PI15: variants seen among roughly 807,000 people sequenced by gnomAD.
PI15 encodes the protein peptidase inhibitor 15.
A neutral mutation model predicts 31.0 loss-of-function variants in PI15; 18 were observed. The ratio of observed to expected loss-of-function variants is 0.58; its 90% confidence interval spans 0.40 to 0.86. The LOEUF (loss-of-function observed/expected upper bound fraction) is 0.86. Among genes scored for constraint, PI15 ranks in the 40% least tolerant of loss-of-function variants. The probability of loss-of-function intolerance (pLI) is 0.00; values close to 1 mark genes in which losing one functional copy is unlikely to be tolerated. For synonymous variants in PI15, 118 were observed against 119.1 expected (o/e 0.99, Z 0.06); for missense variants, 282 against 328.1 (o/e 0.86, Z 1.09).
chr8:74,849,121 C>T lies in PI15; in HGVS notation c.645C>T (p.Gly215=). 1.2e-6 allele frequency: 2 copies of T among 1,609,968 alleles called. No individual in the cohort carries two copies. Among genetic ancestry groups the T allele is most frequent in the Non-Finnish European group, 1.7e-6 (2 of 1,178,536 alleles). Residue 215 remains glycine (G), a synonymous_variant, in exon 6 of 6, where the codon GGC becomes GGT. Coordinates refer to ENST00000260113, the MANE Select transcript of PI15 (RefSeq NM_015886.5). ...VYLVCNYAPK[G]NWIGEAPYKV... ...TCTTTTTTGTTTTCCCTTCTAGGGG[C>T]AATTGGATTGGAGAAGCACCATATA...
Position 74,825,402 on chromosome 8 carries a change from G to A in PI15, c.153G>A (p.Ala51=), listed in dbSNP as rs1337047728. ...EAALKAQLDS[A]DIPKARRKRY... is the part of the protein sequence containing the mutation. Reference sequence around the variant, plus strand: ...CTCTGAAAGCACAATTAGATTCAGCGGATATCCCCAAAGCCAGGCGGAAGC... The same window carrying A: ...CTCTGAAAGCACAATTAGATTCAGCAGATATCCCCAAAGCCAGGCGGAAGC... The change falls in exon 2 of 6, where the codon GCG becomes GCA. Residue 51 remains alanine, a synonymous_variant. Coordinates refer to ENST00000260113, the MANE Select transcript of PI15 (RefSeq NM_015886.5). The A allele has an allele frequency of 7.4e-6, 12 of 1,613,300 alleles. No individual in the cohort carries two copies. Among genetic ancestry groups the A allele is most frequent in the Non-Finnish European group, 5.9e-6 (7 of 1,179,520 alleles).
chr8:74,825,438 G>T lies in PI15; in HGVS notation c.189G>T (p.Ser63=), dbSNP rs137968050. 1.4e-4 allele frequency: 231 copies of T among 1,612,558 alleles called. No homozygotes were observed. Among genetic ancestry groups the T allele is most frequent in the South Asian group, 2.0e-4 (18 of 91,048 alleles). ...IPKARRKRYI[S]QNDMIAILDY... The stretch of plus-strand genomic sequence containing the variant: ...AAGCCAGGCGGAAGCGCTACATTTC[G>T]CAGAATGACATGATCGCCATTCTTG... The change falls in exon 2 of 6, where the codon TCG becomes TCT. Residue 63 remains serine, a synonymous_variant. Transcript: ENST00000260113.
In PI15 at chr8:74,825,481, C is replaced by A. The variant is rs1563563266; in HGVS notation, c.232C>A (p.Arg78=). 2 of 1,611,702 alleles carry A rather than the reference C, an allele frequency of 1.2e-6. No homozygotes were observed. The highest frequency in any genetic ancestry group is 1.7e-6 in the Non-Finnish European group (2 of 1,178,882). The part of the protein sequence containing the change: ...IAILDYHNQV[R]GKVFPPAANM... ...CATTCTTGATTATCATAATCAAGTT[C>A]GGGGCAAAGTGTTCCCACCGGCAGC... is the stretch of plus-strand genomic sequence containing the variant. Residue 78 remains arginine (R), a synonymous_variant, in exon 2 of 6, where the codon CGG becomes AGG. Coordinates refer to ENST00000260113, the MANE Select transcript of PI15 (RefSeq NM_015886.5).
At chr8:74,831,259 A>T (rs1810777543) in intron 2 of PI15, among the ~76,000 whole-genome samples, 1 of 152,230 alleles carries the variant, frequency 6.6e-6, no homozygotes, top group South Asian at 2.1e-4. Flanking sequence ...CAGGTAGGCC[A>T]CATAGGTGGT....
At chr8:74,838,530 A>T (rs1353262652) in intron 2 of PI15, among the ~76,000 whole-genome samples, 1 of 152,050 alleles carries the variant, frequency 6.6e-6, no homozygotes, top group Non-Finnish European at 1.5e-5. Context: ...TAGTGAGCAT[A>T]ATGCCCAGTA....
chr8:74,833,374 T>A (rs1384718724), intron 2 of PI15, among the ~76,000 whole-genome samples: 1 of 152,078 alleles, frequency 6.6e-6, no homozygotes, highest in Non-Finnish European at 1.5e-5. Context: ...GTTCTCTAAT[T>A]TTCAGCTTCT....
rs1250677000 is a variant in PI15, at chr8:74,854,421, T to A, written c.*5168T>A. 4 of 152,042 alleles carry A rather than the reference T, an allele frequency of 2.6e-5. No individual in the cohort carries two copies. Among genetic ancestry groups the A allele is most frequent in the Non-Finnish European group, 5.9e-5 (4 of 67,954 alleles). 9.4% of individuals were successfully genotyped at this position (152,042 alleles called of 1,614,324 possible). A position where few individuals can be genotyped will look rare whatever the true frequency, so the allele number is the denominator to read the frequency against. ...GGACTTACTTATTCCTCTCACCTTCTCCAGTGCCTAGGAATATTCTTCTCT... is the reference window on the plus strand; with the variant it reads ...GGACTTACTTATTCCTCTCACCTTCACCAGTGCCTAGGAATATTCTTCTCT... On this transcript the variant is annotated 3_prime_UTR_variant, in exon 6 of 6. Coordinates refer to ENST00000260113, the MANE Select transcript of PI15 (RefSeq NM_015886.5).
intron 2 of PI15, among the ~76,000 whole-genome samples, chr8:74,827,277 G>T (rs1028150480): frequency 4.6e-5 from 7 of 151,292 alleles, no homozygotes; most frequent in Non-Finnish European, 7.4e-5. Flanking sequence ...ACCAATCAAA[G>T]AATGCAATTC....
rs1256349053 is a variant in PI15, at chr8:74,851,630, G to C, written c.*2377G>C. 6.6e-6 allele frequency: 1 copy of C among 151,974 alleles called. No individual in the cohort carries two copies. The highest frequency in any genetic ancestry group is 2.4e-5 in the African/African-American group (1 of 41,408). The allele number at this position is 151,974 out of a possible 1,614,324, so 9.4% of individuals were successfully genotyped here. A position where few individuals can be genotyped will look rare whatever the true frequency, so the allele number is the denominator to read the frequency against. ...TTGTATTTATCCCAGCTTCTTAAAT[G>C]GTGGCTGTAACATAATAAATGTTTA... is the stretch of plus-strand genomic sequence containing the variant. On this transcript the variant is annotated 3_prime_UTR_variant, in exon 6 of 6. Coordinates refer to ENST00000260113, the MANE Select transcript of PI15 (RefSeq NM_015886.5).
intron 2 of PI15, among the ~76,000 whole-genome samples, chr8:74,829,910 C>G (rs984518699): frequency 6.6e-6 from 1 of 152,040 alleles, no homozygotes; most frequent in African/African-American, 2.4e-5. Context: ...AGAGAAAAAC[C>G]ATGACACTTG....
intron 1 of PI15, chr8:74,824,947 T>TG: frequency 3.1e-6 from 1 of 318,010 alleles, no homozygotes; most frequent in Non-Finnish European, 5.8e-6. Flanking sequence ...TTGGGGCAAA[T>TG]GGTTCACATT....
chr8:74,846,065 T>G (rs1339915235), intron 5 of PI15: 1 of 153,092 alleles, frequency 6.5e-6, no homozygotes, highest in Non-Finnish European at 1.5e-5. Flanking sequence ...GTAAAATGCC[T>G]CTTGATTACA....
chr8:74,845,275 C>G lies in PI15; in HGVS notation c.525+15C>G. On this transcript the variant is annotated intron_variant, in intron 4 of 5. Transcript: ENST00000260113. ...ATTATACGCAGGTTATTTCAATTACCTTGTTAATTTTTGATTCATACTTTT... is the reference window on the plus strand; with the variant it reads ...ATTATACGCAGGTTATTTCAATTACGTTGTTAATTTTTGATTCATACTTTT... 2.5e-6 allele frequency: 4 copies of G among 1,611,682 alleles called. No individual in the cohort carries two copies. Among genetic ancestry groups the G allele is most frequent in the Non-Finnish European group, 3.4e-6 (4 of 1,177,808 alleles).
intron 2 of PI15, among the ~76,000 whole-genome samples, chr8:74,834,192 A>T (rs542687475): frequency 6.6e-6 from 1 of 152,290 alleles, no homozygotes; most frequent in East Asian, 1.9e-4. Context: ...GGCAACGTAA[A>T]GTACCTGTTC....
At chr8:74,827,205 C>T (rs1370325212) in intron 2 of PI15, among the ~76,000 whole-genome samples, 2 of 152,002 alleles carry the variant, frequency 1.3e-5, no homozygotes, top group Admixed American at 1.3e-4. Context: ...TGGCCTTGCA[C>T]AGGTTATTTA....
chr8:74,849,957 T>C lies in PI15; in HGVS notation c.*704T>C, dbSNP rs1247796020. Reference sequence around the variant, plus strand: ...TCTCATTTTATTCATTCAGTCGTCATGAGTTGAGTGCTTACTACATGCAAG... The same window carrying C: ...TCTCATTTTATTCATTCAGTCGTCACGAGTTGAGTGCTTACTACATGCAAG... On this transcript the variant is annotated 3_prime_UTR_variant, in exon 6 of 6. Coordinates refer to ENST00000260113, the MANE Select transcript of PI15 (RefSeq NM_015886.5). 1 of 152,244 alleles carries C rather than the reference T, an allele frequency of 6.6e-6. No homozygotes were observed. Among genetic ancestry groups the C allele is most frequent in the African/African-American group, 2.4e-5 (1 of 41,476 alleles). 9.4% of individuals were successfully genotyped at this position (152,244 alleles called of 1,614,324 possible). A position where few individuals can be genotyped will look rare whatever the true frequency, so the allele number is the denominator to read the frequency against.
rs193244208 is a variant in PI15 at position 74,837,994 on chromosome 8, A to G, written c.274-5987A>G. Reference sequence around the variant, plus strand: ...AACTTTATGAATTTTTGTTCTTTCCATAAGTATAGCAAGTTTGGACAATCA... The same window carrying G: ...AACTTTATGAATTTTTGTTCTTTCCGTAAGTATAGCAAGTTTGGACAATCA... On this transcript the variant is annotated intron_variant, in intron 2 of 5. Transcript: ENST00000260113. Among the ~76,000 whole-genome samples the G allele has an allele frequency of 1.5e-3, 226 of 152,028 alleles. 1 individual carries two copies. Among genetic ancestry groups the G allele is most frequent in the Non-Finnish European group, 2.8e-3 (193 of 67,942 alleles).
At chr8:74,846,847 AAG>A (rs974674650) in intron 5 of PI15, among the ~76,000 whole-genome samples, 9 of 152,016 alleles carry the variant, frequency 5.9e-5, no homozygotes, top group Middle Eastern at 3.2e-3. Flanking sequence ...AGATAAGTGA[AAG>A]AGAGAGAGAA....
In PI15 at chr8:74,853,690, CAT is replaced by C. The variant is rs796855124; in HGVS notation, c.*4440_*4441del. The C allele has an allele frequency of 1.7e-4, 26 of 152,570 alleles. No homozygotes were observed. The highest frequency in any genetic ancestry group is 5.8e-4 in the African/African-American group (24 of 41,546). The allele number at this position is 152,570 out of a possible 1,614,324, so 9.5% of individuals were successfully genotyped here. A position where few individuals can be genotyped will look rare whatever the true frequency, so the allele number is the denominator to read the frequency against. ...ATTTGTTGTGCAATATTAGAATTATCATATGTTTCCTACATCTGACAGCACCT... is the reference window on the plus strand; with the variant it reads ...ATTTGTTGTGCAATATTAGAATTATCATGTTTCCTACATCTGACAGCACCT... On this transcript the variant is annotated 3_prime_UTR_variant, in exon 6 of 6. Coordinates refer to ENST00000260113, the MANE Select transcript of PI15 (RefSeq NM_015886.5).
Sources: allele counts gnomAD v4.1 joint callset (sites outside exome capture counted in the v4.1 genomes callset), GRCh38; gene constraint gnomAD v4.1.1; transcripts MANE v1.5; gene names NCBI Gene and HGNC (gene_info 2026-07-23, HGNC 2026-07-21).